PIK3CB: variants seen among roughly 807,000 people sequenced by gnomAD.
PIK3CB encodes phosphatidylinositol 4,5-bisphosphate 3-kinase catalytic subunit beta isoform.
In PIK3CB, 39 loss-of-function variants were observed where a neutral mutation model predicts 136.8. The observed-to-expected ratio is 0.29, with a 90% confidence interval of 0.22 to 0.37. The LOEUF is 0.37. PIK3CB is among the 10% of genes least tolerant of loss of function. The pLI is 1.00. For synonymous variants in PIK3CB, 428 were observed against 436.6 expected (o/e 0.98, Z 0.25); for missense variants, 868 against 1,275.4 (o/e 0.68, Z 4.87).
intron 2 of PIK3CB, among the ~76,000 whole-genome samples, chr3:138,763,107 G>C (rs1436640200): frequency 3.6e-5 from 3 of 82,632 alleles, no homozygotes; most frequent in Non-Finnish European, 8.5e-5. Flanking sequence ...AAAGCTGGAG[G>C]AAAAATGAAA....
At chr3:138,681,750 T>C (rs1393024245) in intron 19 of PIK3CB, among the ~76,000 whole-genome samples, 1 of 152,238 alleles carries the variant, frequency 6.6e-6, no homozygotes, top group Non-Finnish European at 1.5e-5. Context: ...TTCAAACCTA[T>C]TCCTTCTTTC....
At chr3:138,822,895 A>G (rs1933624090) in intron 1 of PIK3CB, among the ~76,000 whole-genome samples, 1 of 147,568 alleles carries the variant, frequency 6.8e-6, no homozygotes, top group Admixed American at 6.9e-5. Context: ...TGAAATATTT[A>G]TACATGAAAT....
chr3:138,764,386 G>A (rs531359611), intron 2 of PIK3CB, among the ~76,000 whole-genome samples: 38 of 151,864 alleles, frequency 2.5e-4, no homozygotes, highest in African/African-American at 8.4e-4. Flanking sequence ...AGGAGGCTGA[G>A]GCTGCAGTGT....
At chr3:138,691,293 T>A in intron 14 of PIK3CB, 150 bp from the exon 15 acceptor site, 1 of 649,926 alleles carries the variant, frequency 1.5e-6, no homozygotes, top group East Asian at 2.7e-5. Context: ...GTACCACTGT[T>A]ACAATATCAC....
At chr3:138,669,416 A>G (rs1204555020) in intron 19 of PIK3CB, among the ~76,000 whole-genome samples, 1 of 141,042 alleles carries the variant, frequency 7.1e-6, no homozygotes, top group Non-Finnish European at 1.5e-5. Context: ...TCAAAAAAAA[A>G]AAAAAAAAAA....
In PIK3CB at chr3:138,733,461, C is replaced by T. The variant is rs761791893; in HGVS notation, c.973-23G>A. ...ATGCTGTAAAAGAATAAAATAAATA[C>T]AAATTATTTTAATGAAAGAAATGAA... On this transcript the variant is annotated intron_variant, in intron 7 of 23. Coordinates refer to ENST00000674063, the MANE Select transcript of PIK3CB (RefSeq NM_006219.3). 2.6e-6 allele frequency: 3 copies of T among 1,173,342 alleles called. No individual in the cohort carries two copies. In the East Asian group the frequency reaches 7.5e-5, roughly 30 times the overall value. The allele number at this position is 1,173,342 out of a possible 1,614,324, so 72.7% of individuals were successfully genotyped here.
intron 16 of PIK3CB, among the ~76,000 whole-genome samples, chr3:138,686,440 AAAAAT>A (rs1363121178): frequency 1.3e-5 from 2 of 152,172 alleles, no homozygotes; most frequent in African/African-American, 4.8e-5. Context: ...CTCCATCACA[AAAAAT>A]AAAATAAATA....
intron 18 of PIK3CB, 51 bp from the exon 19 acceptor site, chr3:138,682,096 G>T: frequency 9.2e-7 from 1 of 1,082,504 alleles, no homozygotes; most frequent in Non-Finnish European, 1.4e-6. Context: ...TTTATGCCCT[G>T]TAACTCATTA....
At position 138,789,754 on chromosome 3, in the gene PIK3CB, T is replaced by C. The variant is rs559537346; in HGVS notation, c.-17+6709A>G. On this transcript the variant is annotated intron_variant, in intron 2 of 23. Coordinates refer to ENST00000674063, the MANE Select transcript of PIK3CB (RefSeq NM_006219.3). Reference sequence around the variant, plus strand: ...CTGTCGCCAGGCTGGAGTTTAGTGGTGTGATCTCGGCACAAGCTCCACCTC... The same window carrying C: ...CTGTCGCCAGGCTGGAGTTTAGTGGCGTGATCTCGGCACAAGCTCCACCTC... 2.6e-3 allele frequency among the ~76,000 whole-genome samples: 395 copies of C among 151,554 alleles called. 4 individuals carry two copies. The highest frequency in any genetic ancestry group is 9.3e-3 in the African/African-American group (385 of 41,344).
chr3:138,796,624 T>C (rs2046112116), intron 1 of PIK3CB, 57 bp from the exon 2 acceptor site: 1 of 152,140 alleles, frequency 6.6e-6, no homozygotes, highest in Non-Finnish European at 1.5e-5. Context: ...TTAAGTCACG[T>C]AAATTTTATT....
At chr3:138,693,964 TATTATATA>T (rs1317896831) in intron 14 of PIK3CB, among the ~76,000 whole-genome samples, 4 of 36,640 alleles carry the variant, frequency 1.1e-4, no homozygotes, top group African/African-American at 3.7e-4. Flanking sequence ...TATATATATA[TATTATATA>T]TATATATATA....
chr3:138,754,609 T>A (rs1187229169), intron 4 of PIK3CB, among the ~76,000 whole-genome samples: 2 of 152,060 alleles, frequency 1.3e-5, no homozygotes, highest in African/African-American at 2.4e-5. Flanking sequence ...CTGGGAAAAA[T>A]TTATTGCCAA....
intron 19 of PIK3CB, among the ~76,000 whole-genome samples, chr3:138,678,990 C>T (rs957340897): frequency 3.3e-5 from 5 of 152,036 alleles, no homozygotes; most frequent in Non-Finnish European, 5.9e-5. Context: ...TGCTTGAACC[C>T]AGGAGGCAGA....
At chr3:138,713,332 AC>A (rs1391632581) in intron 9 of PIK3CB, among the ~76,000 whole-genome samples, 3 of 151,476 alleles carry the variant, frequency 2.0e-5, no homozygotes. Flanking sequence ...TTTTTAGAAG[AC>A]TATATGATGA....
chr3:138,800,091 C>T (rs2046155857), intron 1 of PIK3CB, among the ~76,000 whole-genome samples: 1 of 152,104 alleles, frequency 6.6e-6, no homozygotes, highest in Non-Finnish European at 1.5e-5. Context: ...GTTCTTTCAG[C>T]TTGCAATGTG....
chr3:138,825,284 T>C, intron 1 of PIK3CB: 2 of 475,686 alleles, frequency 4.2e-6, no homozygotes, highest in Non-Finnish European at 7.7e-6. Flanking sequence ...ACTGTGCTGT[T>C]CTGATTGTTG....
chr3:138,819,539 A>G (rs1387080422), intron 1 of PIK3CB, among the ~76,000 whole-genome samples: 2 of 152,192 alleles, frequency 1.3e-5, no homozygotes, highest in African/African-American at 2.4e-5. Flanking sequence ...TGTAAAATGA[A>G]GTTAGGATTT....
At chr3:138,817,413 G>A in intron 1 of PIK3CB, among the ~76,000 whole-genome samples, 1 of 152,170 alleles carries the variant, frequency 6.6e-6, no homozygotes, top group South Asian at 2.1e-4. Context: ...CTACTTGGGA[G>A]GCTGAGGCAG....
intron 1 of PIK3CB, among the ~76,000 whole-genome samples, chr3:138,806,149 T>C (rs1040735300): frequency 2.6e-5 from 4 of 152,158 alleles, no homozygotes; most frequent in Admixed American, 2.6e-4. Context: ...ATTATACACA[T>C]ATCAGTGGTT....
Sources: gnomAD v4.1 joint callset for allele counts (sites outside exome capture counted in the v4.1 genomes callset) on GRCh38, gnomAD v4.1.1 for gene constraint, MANE v1.5 for transcripts, NCBI Gene and HGNC (gene_info 2026-07-23, HGNC 2026-07-21) for gene names.